Variants in HAUS5 observed in about 807,000 individuals in gnomAD.
HAUS5 encodes HAUS augmin like complex subunit 5.
A neutral mutation model predicts 94.1 loss-of-function variants in HAUS5; 67 were observed. The ratio of observed to expected loss-of-function variants is 0.71; its 90% CI spans 0.58 to 0.87. HAUS5 has a LOEUF of 0.87. Ranked by LOEUF, HAUS5 falls within the 40% of genes least tolerant of loss-of-function variation. The pLI, the probability that HAUS5 is intolerant of heterozygous loss-of-function variation, is 0.00. For synonymous variants in HAUS5, 339 were observed against 355.4 expected (o/e 0.95, Z 0.52); for missense variants, 739 against 825.6 (o/e 0.90, Z 1.29).
rs139021299 is a variant in HAUS5, at chr19:35,614,358, G to A, written c.219+299G>A. On this transcript the variant is annotated intron_variant, in intron 4 of 18. Transcript: ENST00000203166. Reference sequence around the variant, plus strand: ...CTGGGACAAAGATGTGGTTTGGGAGGCGGATCACCTGAGGTCAGGAGTTCG... The same window carrying A: ...CTGGGACAAAGATGTGGTTTGGGAGACGGATCACCTGAGGTCAGGAGTTCG... 369 of 426,542 alleles carry A rather than the reference G, an allele frequency of 8.7e-4. 1 individual carries two copies. The Middle Eastern group carries it at 0.013, about 15-fold the overall frequency. The allele number at this position is 426,542 out of a possible 1,614,324, so 26.4% of individuals were successfully genotyped here. A position where few individuals can be genotyped will look rare whatever the true frequency, so the allele number is the denominator to read the frequency against.
chr19:35,613,988 C>A (rs45510191), intron 3 of HAUS5, 47 bp from the exon 4 acceptor site: 1 of 1,611,070 alleles, frequency 6.2e-7, no homozygotes, highest in Non-Finnish European at 8.5e-7. Context: ...ATTGCCCTCC[C>A]CCCTAGAAGC....
In HAUS5 at chr19:35,623,083, G is replaced by A. The variant is rs773672552; in HGVS notation, c.*90G>A. On this transcript the variant is annotated 3_prime_UTR_variant, in exon 19 of 19. Coordinates refer to ENST00000203166, the MANE Select transcript of HAUS5 (RefSeq NM_015302.2). The stretch of plus-strand genomic sequence containing the variant: ...GACATTTGGAAGAAAGCAGCGCCAG[G>A]ATTCCTCGGCAGTCGTCCCCACCCG... 1 of 927,954 alleles carries A rather than the reference G, an allele frequency of 1.1e-6. No homozygotes were observed. Among genetic ancestry groups the A allele is most frequent in the Non-Finnish European group, 1.7e-6 (1 of 595,222 alleles). 57.5% of individuals were successfully genotyped at this position (927,954 alleles called of 1,614,324 possible).
chr19:35,623,016 G>T lies in HAUS5; in HGVS notation c.*23G>T, dbSNP rs1408157419. The T allele has an allele frequency of 3.3e-6, 5 of 1,493,184 alleles. No individual in the cohort carries two copies. The highest frequency in any genetic ancestry group is 4.6e-6 in the Non-Finnish European group (5 of 1,076,880). 92.5% of individuals were successfully genotyped at this position (1,493,184 alleles called of 1,614,324 possible). On this transcript the variant is annotated 3_prime_UTR_variant, in exon 19 of 19. Coordinates refer to ENST00000203166, the MANE Select transcript of HAUS5 (RefSeq NM_015302.2). ...TGAAGAGAGGGTTCAAACGGAAGCC[G>T]AGAACTTGACACTGTTCACCCCAAC...
intron 6 of HAUS5, 70 bp downstream of exon 6, chr19:35,615,456 C>T (rs909157634): frequency 8.2e-7 from 1 of 1,216,720 alleles, no homozygotes; most frequent in Non-Finnish European, 1.1e-6. Flanking sequence ...CAGGGCTCTG[C>T]CCTGATCCCT....
intron 6 of HAUS5, among the ~76,000 whole-genome samples, chr19:35,616,148 C>G (rs1353609196): frequency 6.6e-6 from 1 of 152,050 alleles, no homozygotes; most frequent in Non-Finnish European, 1.5e-5. Flanking sequence ...GAAACCCCGT[C>G]CCTACTAAAA....
chr19:35,614,091 A>C, intron 4 of HAUS5, 32 bp downstream of exon 4: 1 of 1,601,386 alleles, frequency 6.2e-7, no homozygotes, highest in Non-Finnish European at 8.6e-7. Flanking sequence ...ATTCTCTTTC[A>C]TCCGAAAAAT....
At chr19:35,617,801 G>C in intron 8 of HAUS5, 54 bp from the exon 9 acceptor site, 2 of 1,468,488 alleles carry the variant, frequency 1.4e-6, no homozygotes, top group Non-Finnish European at 1.9e-6. Context: ...GTGATAACTA[G>C]AGGATAATTG....
At position 35,623,122 on chromosome 19, in the gene HAUS5, C is replaced by T. The variant is rs1273683650; in HGVS notation, c.*129C>T. ...CGTCCCCACCCGCACCTGCAGTCCCCTCATGTGCTGTTCTGCTGCCCCACT... is the reference window on the plus strand; with the variant it reads ...CGTCCCCACCCGCACCTGCAGTCCCTTCATGTGCTGTTCTGCTGCCCCACT... On this transcript the variant is annotated 3_prime_UTR_variant, in exon 19 of 19. Coordinates refer to ENST00000203166, the MANE Select transcript of HAUS5 (RefSeq NM_015302.2). The T allele has an allele frequency of 6.0e-6, 4 of 668,008 alleles. No homozygotes were observed. The highest frequency in any genetic ancestry group is 3.6e-5 in the South Asian group (2 of 55,320). 41.4% of individuals were successfully genotyped at this position (668,008 alleles called of 1,614,324 possible). A position where few individuals can be genotyped will look rare whatever the true frequency, so the allele number is the denominator to read the frequency against.
chr19:35,618,810 T>C (rs1967152227), intron 12 of HAUS5, 77 bp from the exon 13 acceptor site: 2 of 1,523,812 alleles, frequency 1.3e-6, no homozygotes, highest in Non-Finnish European at 1.8e-6. Context: ...CTCCCTGCAG[T>C]GTCTCTCCCT....
At position 35,625,282 on chromosome 19, in the gene HAUS5, A is replaced by C. The variant is rs530770230; in HGVS notation, c.*2289A>C. 1 of 152,350 alleles carries C rather than the reference A, an allele frequency of 6.6e-6. No homozygotes were observed. The highest frequency in any genetic ancestry group is 1.5e-5 in the Non-Finnish European group (1 of 68,034). The allele number at this position is 152,350 out of a possible 1,614,324, so 9.4% of individuals were successfully genotyped here. ...AAAAAAGATAACAAATATAAACTCA[A>C]GTAAACACCCTGTAGTCTTTCACAT... On this transcript the variant is annotated 3_prime_UTR_variant, in exon 19 of 19. Coordinates refer to ENST00000203166, the MANE Select transcript of HAUS5 (RefSeq NM_015302.2).
rs544100725 is a variant in HAUS5, at chr19:35,624,793, T to G, written c.*1800T>G. 1 of 152,346 alleles carries G rather than the reference T, an allele frequency of 6.6e-6. No individual in the cohort carries two copies. The highest frequency in any genetic ancestry group is 2.4e-5 in the African/African-American group (1 of 41,572). The allele number at this position is 152,346 out of a possible 1,614,324, so 9.4% of individuals were successfully genotyped here. A position where few individuals can be genotyped will look rare whatever the true frequency, so the allele number is the denominator to read the frequency against. On this transcript the variant is annotated 3_prime_UTR_variant, in exon 19 of 19. Coordinates refer to ENST00000203166, the MANE Select transcript of HAUS5 (RefSeq NM_015302.2). ...AACTAAGTGAACATTAGATTTAATT[T>G]GGCTGGCCCCAGAAGAAAAACATGC...
At position 35,622,643 on chromosome 19, in the gene HAUS5, A is replaced by G. The variant is rs201888166; in HGVS notation, c.1694A>G (p.Glu565Gly). 4,244 of 1,614,034 alleles carry G rather than the reference A, an allele frequency of 2.6e-3. 10 individuals are homozygous for G. The highest frequency in any genetic ancestry group is 3.2e-3 in the Non-Finnish European group (3,830 of 1,179,988). The change falls in exon 18 of 19, where the codon GAG becomes GGG. Residue 565 changes from glutamate (E) to glycine (G), a missense_variant. Glu to Gly is a moderately conservative substitution (Grantham distance 98). Transcript: ENST00000203166. ...IQASQEKQQKENLGQALKRLE... is the reference protein window; with the variant it reads ...IQASQEKQQKGNLGQALKRLE... ...GCATCCCAGGAAAAACAGCAGAAAG[A>G]GAACCTGGGGCAGGCTCTGAAGAGG...
chr19:35,613,700 C>G (rs770017786), intron 1 of HAUS5, 30 bp from the exon 2 acceptor site: 12 of 1,605,098 alleles, frequency 7.5e-6, no homozygotes, highest in Non-Finnish European at 1.0e-5. Context: ...TGTGCTGCCC[C>G]AGGCATATGC....
Position 35,619,497 on chromosome 19 carries a change from CG to C in HAUS5, c.1258del (p.Glu420ArgfsTer3), listed in dbSNP as rs2146339360. On this transcript the variant is annotated frameshift_variant, in exon 14 of 19. Transcript: ENST00000203166. LOFTEE classifies it high-confidence loss of function. The stretch of plus-strand genomic sequence containing the variant: ...AGCAAGACCCGCCTGTGCCGGAGCC[CG>C]GGGGAGGTGAGATGGGAGTTGGGGT... ...SASKTRLCRS[P>X]GEVLALVQRK... 6.2e-7 allele frequency: 1 copy of C among 1,609,702 alleles called. No individual in the cohort carries two copies. The highest frequency in any genetic ancestry group is 8.5e-7 in the Non-Finnish European group (1 of 1,177,712).
chr19:35,613,557 CGAGACT>C (rs2071913677), intron 1 of HAUS5, 167 bp from the exon 2 acceptor site: 1 of 587,568 alleles, frequency 1.7e-6, no homozygotes, highest in African/African-American at 2.1e-5. Context: ...TGCGACAGAG[CGAGACT>C]GTCTCTTAAA....
At chr19:35,619,083 C>T (rs757745024) in intron 13 of HAUS5, 34 bp downstream of exon 13, 2 of 1,527,210 alleles carry the variant, frequency 1.3e-6, no homozygotes, top group Non-Finnish European at 1.8e-6. Context: ...TGTGGAGGGC[C>T]AGAGGGGAGG....
At position 35,619,734 on chromosome 19, in the gene HAUS5, C is replaced by T. The variant is rs368308747; in HGVS notation, c.1382C>T (p.Thr461Met). Residue 461 changes from threonine to methionine, a missense_variant, in exon 15 of 19, where the codon ACG becomes ATG. By Grantham distance (81) the Thr-to-Met change is moderately conservative (BLOSUM62 -1). Transcript: ENST00000203166. Reference sequence around the variant, plus strand: ...CATTTGCCCCACATTCTGTTGGGCACGCTGCTGCGGCACAGGCCGGGAGAG... The same window carrying T: ...CATTTGCCCCACATTCTGTTGGGCATGCTGCTGCGGCACAGGCCGGGAGAG... ...VRHLPHILLG[T>M]LLRHRPGELK... 2.3e-5 allele frequency: 36 copies of T among 1,561,518 alleles called. 1 individual carries two copies. In the Admixed American group the frequency reaches 2.3e-4, roughly 10 times the overall value.
rs1049700959 is a variant in HAUS5 at position 35,618,870 on chromosome 19, C to T, written c.1017-17C>T. ...AGTCACCCTTCTCTCCTTTGCTCTCCTCCACTTGCCCTGCAGGCAGGTGCT... is the reference window on the plus strand; with the variant it reads ...AGTCACCCTTCTCTCCTTTGCTCTCTTCCACTTGCCCTGCAGGCAGGTGCT... On this transcript the variant is annotated splice_polypyrimidine_tract_variant and intron_variant, in intron 12 of 18. Transcript: ENST00000203166. The T allele has an allele frequency of 6.3e-7, 1 of 1,590,646 alleles. No individual in the cohort carries two copies. Among genetic ancestry groups the T allele is most frequent in the African/African-American group, 1.4e-5 (1 of 74,010 alleles).
chr19:35,620,150 C>T (rs1322200347), intron 16 of HAUS5, 27 bp downstream of exon 16: 2 of 1,610,674 alleles, frequency 1.2e-6, no homozygotes, highest in African/African-American at 2.7e-5. Context: ...TGTGACTTGT[C>T]TCCCCAGCCC....
Sources: gnomAD v4.1 joint callset for allele counts (sites outside exome capture counted in the v4.1 genomes callset) on GRCh38, gnomAD v4.1.1 for gene constraint, MANE v1.5 for transcripts, NCBI Gene and HGNC (gene_info 2026-07-23, HGNC 2026-07-21) for gene names.